Variants in WDR7 observed in about 807,000 individuals in gnomAD.
WDR7 encodes WD repeat domain 7, also known as WD repeat-containing protein 7.
In WDR7, 46 loss-of-function variants were observed where a neutral mutation model predicts 169.4. The ratio of observed to expected loss-of-function variants is 0.27; its 90% confidence interval spans 0.21 to 0.35. The LOEUF (loss-of-function observed/expected upper bound fraction) is 0.35, where lower values mean the gene tolerates loss of function less well. Among genes scored for constraint, WDR7 ranks in the 10% least tolerant of loss-of-function variants. The probability of loss-of-function intolerance (pLI) is 1.00; values close to 1 mark genes in which losing one functional copy is unlikely to be tolerated. For missense variants in WDR7, 1,534 were observed against 1,859.3 expected, an observed-to-expected ratio of 0.83 and a Z score of 3.22; for synonymous variants, 612 against 666.8, an observed-to-expected ratio of 0.92 and a Z score of 1.27.
At chr18:56,751,830 C>A (rs9945889) in intron 14 of WDR7, among the ~76,000 whole-genome samples, 37,386 of 152,082 alleles carry the variant, frequency 0.25, 5,887 homozygotes, top group African/African-American at 0.44. Flanking sequence ...AAGAAAATAT[C>A]AAGCACAGTG....
intron 20 of WDR7, among the ~76,000 whole-genome samples, chr18:56,820,339 C>CAA (rs386387798): frequency 0.34 from 14,269 of 42,274 alleles, 4,686 homozygotes; most frequent in East Asian, 0.54. Flanking sequence ...CTGACATTGT[C>CAA]AAAAAAAAAA....
Position 56,757,015 on chromosome 18 carries a change from C to T in WDR7, c.2422C>T (p.His808Tyr). ...TGCAAAGCTGTTTATGTCCTGCCTT[C>T]ACGCCTGGGGTTTGAATGAAGTACT... is the stretch of plus-strand genomic sequence containing the variant. ...DTAKLFMSCL[H>Y]AWGLNEVLDE... The change falls in exon 15 of 28, where the codon CAC (histidine) becomes TAC (tyrosine). Residue 808 changes from histidine to tyrosine, a missense_variant. Physicochemically the swap from His to Tyr is moderately conservative, Grantham distance 83. Coordinates refer to ENST00000254442, the MANE Select transcript of WDR7 (RefSeq NM_015285.3). 6.2e-7 allele frequency: 1 copy of T among 1,614,178 alleles called. No individual in the cohort carries two copies. Among genetic ancestry groups the T allele is most frequent in the Non-Finnish European group, 8.5e-7 (1 of 1,180,034 alleles).
intron 19 of WDR7, among the ~76,000 whole-genome samples, chr18:56,785,830 CTT>C (rs112540201): frequency 4.3e-4 from 60 of 139,758 alleles, no homozygotes; most frequent in Non-Finnish European, 4.0e-4. Flanking sequence ...TTTTCTTTTT[CTT>C]TTTTTTTTTT....
At chr18:56,917,449 C>T (rs951295641) in intron 21 of WDR7, among the ~76,000 whole-genome samples, 8 of 151,988 alleles carry the variant, frequency 5.3e-5, no homozygotes, top group Admixed American at 1.3e-4. Flanking sequence ...ATGTAGCGTG[C>T]GTTAATAAAT....
chr18:56,794,304 A>ATTTTTTTTTCTTTTTTTTTTTTT (rs2044544258), intron 19 of WDR7, among the ~76,000 whole-genome samples: 1 of 49,466 alleles, frequency 2.0e-5, no homozygotes, highest in Non-Finnish European at 3.8e-5. Flanking sequence ...GGTAAAGTCT[A>ATTTTTTTTTCTTTTTTTTTTTTT]TTTTTTTTTT....
At chr18:57,022,893 C>T (rs748450561) in intron 27 of WDR7, among the ~76,000 whole-genome samples, 3 of 152,236 alleles carry the variant, frequency 2.0e-5, no homozygotes, top group African/African-American at 4.8e-5. Context: ...TGCCTGGACA[C>T]GTGGCTTTGC....
chr18:56,727,586 CACTG>C (rs2026488292), intron 13 of WDR7, among the ~76,000 whole-genome samples: 1 of 152,124 alleles, frequency 6.6e-6, no homozygotes, highest in Admixed American at 6.5e-5. Context: ...TGTGAGAACT[CACTG>C]ACTATTAGGA....
chr18:57,004,748 G>A (rs1599238319), intron 26 of WDR7, among the ~76,000 whole-genome samples: 1 of 152,170 alleles, frequency 6.6e-6, no homozygotes, highest in East Asian at 1.9e-4. Flanking sequence ...ATATTTTACA[G>A]ATCAAAACAG....
chr18:56,710,003 G>GTTTT (rs74182155), intron 12 of WDR7, among the ~76,000 whole-genome samples: 18 of 128,656 alleles, frequency 1.4e-4, no homozygotes, highest in Non-Finnish European at 1.9e-4. Flanking sequence ...TATATATATA[G>GTTTT]TTGTTTTTTT....
At chr18:56,842,100 C>G (rs2045495472) in intron 20 of WDR7, among the ~76,000 whole-genome samples, 1 of 152,176 alleles carries the variant, frequency 6.6e-6, no homozygotes, top group African/African-American at 2.4e-5. Flanking sequence ...CCACGCTAGT[C>G]ATCATCAACA....
At chr18:56,795,684 C>A (rs75371356) in intron 19 of WDR7, among the ~76,000 whole-genome samples, 4,019 of 152,242 alleles carry the variant, frequency 0.026, 73 homozygotes, top group African/African-American at 0.051. Context: ...TGTATTCACT[C>A]TGTTGCCCAG....
At position 56,962,457 on chromosome 18, in the gene WDR7, G is replaced by T. The variant is rs1402058369; in HGVS notation, c.4092G>T (p.Arg1364=). The change falls in exon 26 of 28, where the codon CGG becomes CGT. Residue 1364 remains arginine (R), a synonymous_variant. Transcript: ENST00000254442. ...CRFYMVSYYE[R]NHRIAVGARH... ...TCTACATGGTCAGCTATTATGAGCG[G>T]AATCACAGAATAGCAGTTGGAGCTC... 6.2e-7 allele frequency: 1 copy of T among 1,612,902 alleles called. No individual in the cohort carries two copies.
chr18:56,960,757 C>T (rs573588056), intron 25 of WDR7, among the ~76,000 whole-genome samples: 1 of 152,194 alleles, frequency 6.6e-6, no homozygotes, highest in Non-Finnish European at 1.5e-5. Context: ...TGCTGATTCC[C>T]ACTCTTTCTC....
chr18:56,764,224 A>G (rs1199103401), intron 16 of WDR7, among the ~76,000 whole-genome samples: 1 of 152,136 alleles, frequency 6.6e-6, no homozygotes, highest in Non-Finnish European at 1.5e-5. Context: ...ACTTTGCCAT[A>G]TTGTACTTTT....
At chr18:56,737,774 G>T (rs2026732534) in intron 14 of WDR7, among the ~76,000 whole-genome samples, 1 of 152,136 alleles carries the variant, frequency 6.6e-6, no homozygotes, top group African/African-American at 2.4e-5. Flanking sequence ...GCACTGTAAG[G>T]TACAGACAGG....
At chr18:56,668,898 GT>G (rs34232858) in intron 1 of WDR7, among the ~76,000 whole-genome samples, 125,371 of 147,716 alleles carry the variant, frequency 0.85, 56,423 homozygotes, top group Non-Finnish European at 0.99. Flanking sequence ...CAAAATCTGT[GT>G]TTTTTTTTTT....
rs1217828974 is a variant in WDR7 at position 56,659,117 on chromosome 18, A to G, written c.-20+7541A>G. Among the ~76,000 whole-genome samples, 7 of 152,320 alleles carry G rather than the reference A, an allele frequency of 4.6e-5. No homozygotes were observed. The East Asian group carries it at 9.6e-4, about 21-fold the overall frequency. The stretch of plus-strand genomic sequence containing the variant: ...TAATTTGCTTCATAGGCCCTAAGAT[A>G]TATTTTGCTGTGTATATGTCACGAT... On this transcript the variant is annotated intron_variant, in intron 1 of 27. Transcript: ENST00000254442.
At chr18:56,812,105 A>G (rs191969702) in intron 19 of WDR7, among the ~76,000 whole-genome samples, 1 of 152,254 alleles carries the variant, frequency 6.6e-6, no homozygotes, top group East Asian at 1.9e-4. Context: ...AACACAGTGT[A>G]ATTCTGTTTC....
intron 21 of WDR7, among the ~76,000 whole-genome samples, chr18:56,881,133 A>G (rs546603398): frequency 3.3e-5 from 5 of 152,226 alleles, no homozygotes; most frequent in Non-Finnish European, 7.3e-5. Context: ...ACTGAGGGCC[A>G]TGTTAGTGAC....
Sources: allele counts gnomAD v4.1 joint callset (sites outside exome capture counted in the v4.1 genomes callset), GRCh38; gene constraint gnomAD v4.1.1; transcripts MANE v1.5; gene names NCBI Gene and HGNC (gene_info 2026-07-23, HGNC 2026-07-21).